The following KLF12 variants were observed in gnomAD, a reference collection of about 807,000 sequenced individuals.
KLF12 encodes Krueppel-like factor 12.
KLF12 carries 9 observed loss-of-function variants against 37.8 expected under a neutral mutation model. That is an observed-to-expected ratio of 0.24 (90% CI 0.14 to 0.42). The LOEUF (loss-of-function observed/expected upper bound fraction) is 0.42. KLF12 is among the 10% of genes least tolerant of loss of function. KLF12 has a pLI of 1.00. For synonymous variants in KLF12, 208 were observed against 202.1 expected (o/e 1.03, Z -0.25); for missense variants, 411 against 516.0 (o/e 0.80, Z 1.97).
intron 3 of KLF12, among the ~76,000 whole-genome samples, chr13:73,855,841 G>A (rs559347410): frequency 1.3e-5 from 2 of 152,220 alleles, no homozygotes; most frequent in South Asian, 2.1e-4. Context: ...TGATTTGATT[G>A]AGCAGTGAAT....
At chr13:74,212,663 G>A in the KLF12 span, among the ~76,000 whole-genome samples, 4 of 151,922 alleles carry the variant, frequency 2.6e-5, no homozygotes, top group Admixed American at 6.6e-5. Context: ...GTAAACAACC[G>A]CAAACTTACA....
At chr13:73,780,341 T>G (rs1566363003) in intron 5 of KLF12, among the ~76,000 whole-genome samples, 1 of 152,198 alleles carries the variant, frequency 6.6e-6, no homozygotes, top group Non-Finnish European at 1.5e-5. Flanking sequence ...ACCTGTCACC[T>G]GAGCAGCGTA....
intron 6 of KLF12, among the ~76,000 whole-genome samples, chr13:73,718,468 A>G (rs1316208295): frequency 6.6e-6 from 1 of 152,222 alleles, no homozygotes; most frequent in Admixed American, 6.5e-5. Flanking sequence ...TTCTACAGTG[A>G]AACGTGGGCC....
chr13:74,234,760 C>T, the KLF12 span, among the ~76,000 whole-genome samples: 1 of 151,768 alleles, frequency 6.6e-6, no homozygotes, highest in East Asian at 1.9e-4. Context: ...AAAAAAAAAG[C>T]TTCGGAGATC....
chr13:73,913,987 A>G (rs576620387), intron 3 of KLF12, among the ~76,000 whole-genome samples: 12 of 152,332 alleles, frequency 7.9e-5, no homozygotes, highest in South Asian at 6.2e-4. Flanking sequence ...TATACTGCAT[A>G]TCCATGAATT....
At chr13:74,250,273 G>A in the KLF12 span, among the ~76,000 whole-genome samples, 16 of 152,174 alleles carry the variant, frequency 1.1e-4, no homozygotes, top group East Asian at 1.9e-4. Flanking sequence ...AAGAAAAGGA[G>A]TAGATCCATT....
At chr13:74,134,711 A>T (rs1157917361), upstream of KLF12, among the ~76,000 whole-genome samples, 2 of 151,494 alleles carry the variant, frequency 1.3e-5, no homozygotes, top group East Asian at 3.9e-4. Context: ...CTGGAGAGCA[A>T]CTCGCTGGGC....
chr13:73,986,133 C>T (rs115878049), intron 2 of KLF12, among the ~76,000 whole-genome samples: 5,468 of 152,182 alleles, frequency 0.036, 210 homozygotes, highest in African/African-American at 0.093. Context: ...CATTCAAAAA[C>T]AAAGGAAAAT....
At chr13:74,080,298 G>C (rs1555270213) in intron 1 of KLF12, among the ~76,000 whole-genome samples, 1 of 148,880 alleles carries the variant, frequency 6.7e-6, no homozygotes, top group East Asian at 2.0e-4. Context: ...TTTTTTTTAA[G>C]TTAGCTGGAC....
chr13:73,723,843 T>G (rs11842622), intron 6 of KLF12, among the ~76,000 whole-genome samples: 23,168 of 152,078 alleles, frequency 0.15, 2,910 homozygotes, highest in African/African-American at 0.35. Context: ...AAACCACAAT[T>G]AGATACCATC....
chr13:74,296,131 T>A, the KLF12 span, among the ~76,000 whole-genome samples: 1 of 150,012 alleles, frequency 6.7e-6, no homozygotes, highest in Non-Finnish European at 1.5e-5. Flanking sequence ...ATCCCCATTT[T>A]TGTAGCACTT....
chr13:74,268,522 C>G, the KLF12 span, among the ~76,000 whole-genome samples: 1 of 152,042 alleles, frequency 6.6e-6, no homozygotes, highest in Non-Finnish European at 1.5e-5. Context: ...TATCATGTAC[C>G]CTATCATCCC....
rs1057562 is a variant in KLF12 at position 73,846,151 on chromosome 13, A to G, written c.346T>C (p.Ser116Pro). 1 of 1,614,068 alleles carries G rather than the reference A, an allele frequency of 6.2e-7. No individual in the cohort carries two copies. Among genetic ancestry groups the G allele is most frequent in the Non-Finnish European group, 8.5e-7 (1 of 1,179,994 alleles). ...GCTAGACGACTAGAAGACGATGAAG[A>G]GGTTGAAGTTGAAGAAGGTGAGGAG... The change falls in exon 4 of 8, where the codon TCT becomes CCT. Residue 116 changes from serine (S) to proline (P), a missense_variant. Transcript: ENST00000377669.
chr13:74,301,581 C>T, the KLF12 span, among the ~76,000 whole-genome samples: 1 of 152,122 alleles, frequency 6.6e-6, no homozygotes, highest in Admixed American at 6.6e-5. Flanking sequence ...GTTAAACATG[C>T]AGCATAAAAT....
intron 2 of KLF12, among the ~76,000 whole-genome samples, chr13:73,967,489 C>T (rs1490443787): frequency 1.3e-5 from 2 of 152,178 alleles, no homozygotes; most frequent in Non-Finnish European, 2.9e-5. Flanking sequence ...CTCATCCTTC[C>T]GCCAAGGAGG....
intron 1 of KLF12, among the ~76,000 whole-genome samples, chr13:74,037,930 G>A (rs1382591522): frequency 6.6e-6 from 1 of 152,166 alleles, no homozygotes; most frequent in Non-Finnish European, 1.5e-5. Context: ...ATCCTGTTAT[G>A]AGGGGTCAGG....
At chr13:74,081,863 G>C (rs573014608) in intron 1 of KLF12, among the ~76,000 whole-genome samples, 12 of 152,158 alleles carry the variant, frequency 7.9e-5, no homozygotes, top group African/African-American at 2.9e-4. Flanking sequence ...GACAACTATA[G>C]TGTCTCATGT....
chr13:74,206,399 A>G, the KLF12 span, among the ~76,000 whole-genome samples: 1 of 152,044 alleles, frequency 6.6e-6, no homozygotes, highest in Non-Finnish European at 1.5e-5. Flanking sequence ...TCAACAACAG[A>G]CTCATTCAGT....
chr13:74,275,799 T>C, the KLF12 span, among the ~76,000 whole-genome samples: 16,698 of 68,588 alleles, frequency 0.24, 2,047 homozygotes, highest in East Asian at 0.33. Context: ...TCTTTCTTTC[T>C]TTCTTTCCTT....
Sources: gnomAD v4.1 joint callset for allele counts (sites outside exome capture counted in the v4.1 genomes callset) on GRCh38, gnomAD v4.1.1 for gene constraint, MANE v1.5 for transcripts, NCBI Gene and HGNC (gene_info 2026-07-23, HGNC 2026-07-21) for gene names.